Variants in WDR93 observed in about 807,000 individuals in gnomAD.
WDR93 encodes the protein WD repeat-containing protein 93.
In WDR93, 73 loss-of-function variants were observed where a neutral mutation model predicts 82.9. The observed-to-expected ratio is 0.88, with a 90% CI of 0.73 to 1.07. WDR93 has a LOEUF of 1.07. WDR93 is among the 50% of genes least tolerant of loss of function. The pLI is 0.00. For missense variants in WDR93, 738 were observed against 826.0 expected (o/e 0.89, Z 1.31); for synonymous variants, 283 against 300.1 (o/e 0.94, Z 0.59).
intron 7 of WDR93, among the ~76,000 whole-genome samples, chr15:89,717,594 C>T (rs1966322638): frequency 6.6e-6 from 1 of 152,162 alleles, no homozygotes; most frequent in African/African-American, 2.4e-5. Flanking sequence ...GGAAGGGGCC[C>T]TAGCAATGTG....
At chr15:89,708,371 C>G (rs968132255) in intron 4 of WDR93, among the ~76,000 whole-genome samples, 1 of 152,126 alleles carries the variant, frequency 6.6e-6, no homozygotes, top group Non-Finnish European at 1.5e-5. Flanking sequence ...GAGCCCTGAA[C>G]AGCCCCACCT....
chr15:89,692,800 G>GT (rs1468784151), intron 1 of WDR93, among the ~76,000 whole-genome samples: 1 of 152,086 alleles, frequency 6.6e-6, no homozygotes, highest in Non-Finnish European at 1.5e-5. Flanking sequence ...TAGAGATGGT[G>GT]TTTCACCATG....
intron 7 of WDR93, among the ~76,000 whole-genome samples, chr15:89,719,009 C>T (rs59166603): frequency 0.2 from 29,726 of 152,178 alleles, 3,096 homozygotes; most frequent in Middle Eastern, 0.3. Context: ...TTTTTTTCTA[C>T]ATAAGTGGCA....
chr15:89,718,794 T>A (rs2141653071), intron 7 of WDR93, among the ~76,000 whole-genome samples: 1 of 152,304 alleles, frequency 6.6e-6, no homozygotes, highest in South Asian at 2.1e-4. Context: ...TTTGTATTTT[T>A]AGTAGAGACA....
chr15:89,729,022 G>A lies in WDR93; in HGVS notation c.1053-1G>A, dbSNP rs1338240899. On this transcript the variant is annotated splice_acceptor_variant, in intron 9 of 16. Coordinates refer to ENST00000268130, the MANE Select transcript of WDR93 (RefSeq NM_020212.2). LOFTEE classifies it high-confidence loss of function. ...CTGACTCGTGTGTCTTTCTTTCCCA[G>A]TACGGCCACCTTCTATTTCCTTCTT... 2 of 1,614,048 alleles carry A rather than the reference G, an allele frequency of 1.2e-6. No homozygotes were observed. The highest frequency in any genetic ancestry group is 1.7e-6 in the Non-Finnish European group (2 of 1,179,908).
At chr15:89,730,433 G>A (rs567375249) in intron 11 of WDR93, among the ~76,000 whole-genome samples, 5 of 151,966 alleles carry the variant, frequency 3.3e-5, no homozygotes, top group Admixed American at 6.6e-5. Flanking sequence ...CAGGCCAGTC[G>A]CTTCACACCC....
intron 4 of WDR93, among the ~76,000 whole-genome samples, chr15:89,707,247 A>C (rs571035012): frequency 6.6e-6 from 1 of 152,332 alleles, no homozygotes; most frequent in Admixed American, 6.5e-5. Flanking sequence ...AGAATCCTCA[A>C]ATTAAAAACA....
At position 89,743,564 on chromosome 15, in the gene WDR93, A is replaced by C; in HGVS notation, c.*173A>C. The C allele has an allele frequency of 1.6e-6, 1 of 619,464 alleles. No individual in the cohort carries two copies. Among genetic ancestry groups the C allele is most frequent in the Non-Finnish European group, 2.8e-6 (1 of 354,200 alleles). 38.4% of individuals were successfully genotyped at this position (619,464 alleles called of 1,614,324 possible). On this transcript the variant is annotated 3_prime_UTR_variant, in exon 17 of 17. Coordinates refer to ENST00000268130, the MANE Select transcript of WDR93 (RefSeq NM_020212.2). Reference sequence around the variant, plus strand: ...GAAAAGTATAATCTGGGGGACCTTCAACCACTAAGCCTCTTGTCAGAGCCC... The same window carrying C: ...GAAAAGTATAATCTGGGGGACCTTCCACCACTAAGCCTCTTGTCAGAGCCC...
chr15:89,728,404 C>T (rs2141681506), intron 9 of WDR93, among the ~76,000 whole-genome samples: 1 of 152,216 alleles, frequency 6.6e-6, no homozygotes, highest in South Asian at 2.1e-4. Context: ...TCAAGTGGAC[C>T]TTAAATTTTC....
chr15:89,732,243 C>T (rs1386909532), intron 12 of WDR93, among the ~76,000 whole-genome samples: 2 of 152,148 alleles, frequency 1.3e-5, no homozygotes, highest in African/African-American at 2.4e-5. Flanking sequence ...GGTGGGCCAC[C>T]TTCACTGGGC....
intron 8 of WDR93, among the ~76,000 whole-genome samples, chr15:89,722,844 T>TA (rs1178963085): frequency 2.5e-4 from 32 of 128,872 alleles, no homozygotes; most frequent in Middle Eastern, 3.7e-3. Context: ...GACTAGTAGT[T>TA]ACGATTAAAA....
At position 89,723,587 on chromosome 15, in the gene WDR93, T is replaced by A. The variant is rs561033962; in HGVS notation, c.880+1448T>A. Reference sequence around the variant, plus strand: ...TTAAGATAAAAAATAGATAAGTGAATAATAGAAATATAGATGAAATATAGA... The same window carrying A: ...TTAAGATAAAAAATAGATAAGTGAAAAATAGAAATATAGATGAAATATAGA... On this transcript the variant is annotated intron_variant, in intron 8 of 16. Coordinates refer to ENST00000268130, the MANE Select transcript of WDR93 (RefSeq NM_020212.2). Among the ~76,000 whole-genome samples, 46 of 152,236 alleles carry A rather than the reference T, an allele frequency of 3.0e-4. 1 individual carries two copies. In the South Asian group the frequency reaches 6.8e-3, roughly 23 times the overall value.
intron 12 of WDR93, among the ~76,000 whole-genome samples, chr15:89,732,569 T>C (rs1966872318): frequency 6.6e-6 from 1 of 152,030 alleles, no homozygotes; most frequent in South Asian, 2.1e-4. Flanking sequence ...TTGACCAAAA[T>C]AGCTTGTTTT....
At chr15:89,720,056 C>T (rs1966454087) in intron 7 of WDR93, among the ~76,000 whole-genome samples, 1 of 152,068 alleles carries the variant, frequency 6.6e-6, no homozygotes, top group Non-Finnish European at 1.5e-5. Context: ...GCCTCAGCCT[C>T]CCAAAGTGTT....
At chr15:89,733,357 A>C in intron 13 of WDR93, 138 bp downstream of exon 13, 1 of 775,526 alleles carries the variant, frequency 1.3e-6, no homozygotes, top group Non-Finnish European at 2.0e-6. Context: ...GCTTCTGAAG[A>C]TCACCAATGT....
intron 7 of WDR93, chr15:89,719,740 C>T (rs1966434587): frequency 6.6e-6 from 1 of 151,686 alleles, no homozygotes. Flanking sequence ...TTTATTATTT[C>T]CTTTGTTCTG....
chr15:89,692,506 T>C (rs1374330259), intron 1 of WDR93, among the ~76,000 whole-genome samples: 1 of 152,180 alleles, frequency 6.6e-6, no homozygotes, highest in African/African-American at 2.4e-5. Context: ...CGTAGGGTAA[T>C]AGGTTAACAA....
chr15:89,714,889 C>A, intron 5 of WDR93, 91 bp from the exon 6 acceptor site: 1 of 1,089,554 alleles, frequency 9.2e-7, no homozygotes, highest in Non-Finnish European at 1.3e-6. Context: ...GTCTCTTTGC[C>A]AGCAGTTCTA....
At chr15:89,727,105 A>G in intron 8 of WDR93, 52 bp from the exon 9 acceptor site, 1 of 1,573,956 alleles carries the variant, frequency 6.4e-7, no homozygotes, top group Non-Finnish European at 8.7e-7. Context: ...GGGGAAAATC[A>G]GGAAAGGGGG....
Sources: gnomAD v4.1 joint callset for allele counts (sites outside exome capture counted in the v4.1 genomes callset) on GRCh38, gnomAD v4.1.1 for gene constraint, MANE v1.5 for transcripts, NCBI Gene and HGNC (gene_info 2026-07-23, HGNC 2026-07-21) for gene names.